Variants in RIC3 observed in about 807,000 individuals in gnomAD.
RIC3 encodes the protein RIC3 acetylcholine receptor chaperone, also known as protein RIC-3.
A neutral mutation model predicts 27.3 loss-of-function variants in RIC3; 28 were observed. The observed-to-expected ratio is 1.02, with a 90% confidence interval of 0.76 to 1.41. The LOEUF is 1.41. Among genes scored for constraint, RIC3 ranks in the 40% most tolerant of loss-of-function variants. The probability of loss-of-function intolerance (pLI) is 0.00; values close to 1 mark genes in which losing one functional copy is unlikely to be tolerated. For missense variants in RIC3, 501 were observed against 444.7 expected (o/e 1.13, Z -1.14); for synonymous variants, 184 against 160.4 (o/e 1.15, Z -1.11).
chr11:8,125,230 G>T (rs1946871220), intron 5 of RIC3, among the ~76,000 whole-genome samples: 1 of 151,004 alleles, frequency 6.6e-6, no homozygotes, highest in African/African-American at 2.4e-5. Context: ...CTCCGGCCTG[G>T]GTGACAGAGC....
At chr11:8,116,435 G>A (rs1282563441) in intron 5 of RIC3, among the ~76,000 whole-genome samples, 2 of 150,806 alleles carry the variant, frequency 1.3e-5, no homozygotes, top group Non-Finnish European at 1.5e-5. Flanking sequence ...AGACAAATGG[G>A]ATTACTGAAA....
At chr11:8,097,409 G>A in the RIC3 span, 12 of 1,614,100 alleles carry the variant, frequency 7.4e-6, no homozygotes, top group East Asian at 2.2e-5. Context: ...CACCTGGACC[G>A]TGAGGATGGG....
chr11:8,153,735 T>C (rs11041770), intron 1 of RIC3, among the ~76,000 whole-genome samples: 6,512 of 152,290 alleles, frequency 0.043, 173 homozygotes, highest in South Asian at 0.087. Context: ...TCTTGTCTCT[T>C]ATTTCTTAAT....
intron 4 of RIC3, chr11:8,128,376 A>G: frequency 2.4e-6 from 1 of 411,834 alleles, no homozygotes; most frequent in Non-Finnish European, 4.8e-6. Context: ...TGGGTAGACT[A>G]CAGGAAGCAG....
intron 5 of RIC3, among the ~76,000 whole-genome samples, chr11:8,122,463 A>G (rs1946563247): frequency 1.3e-5 from 2 of 152,172 alleles, no homozygotes; most frequent in Non-Finnish European, 2.9e-5. Flanking sequence ...GTGTATATAT[A>G]TATGTACCAC....
intron 1 of RIC3, among the ~76,000 whole-genome samples, chr11:8,143,735 A>G (rs1208049905): frequency 2.0e-5 from 3 of 152,196 alleles, no homozygotes; most frequent in Non-Finnish European, 4.4e-5. Context: ...ATCCTAAGCC[A>G]AAAGAACAAA....
At chr11:8,096,742 C>G in the RIC3 span, 1 of 1,614,068 alleles carries the variant, frequency 6.2e-7, no homozygotes, top group Non-Finnish European at 8.5e-7. Context: ...GAGAATAGCT[C>G]CAGCTCCTCC....
At chr11:8,101,029 C>A in the RIC3 span, 1 of 1,612,510 alleles carries the variant, frequency 6.2e-7, no homozygotes, top group Non-Finnish European at 8.5e-7. Flanking sequence ...CATTATGGTC[C>A]GTAGGATACC....
At chr11:8,099,805 GA>G in the RIC3 span, among the ~76,000 whole-genome samples, 1 of 142,062 alleles carries the variant, frequency 7.0e-6, no homozygotes, top group Non-Finnish European at 1.6e-5. Flanking sequence ...AGAAGGAAGT[GA>G]AAAACAGCAG....
At chr11:8,117,770 G>A (rs1170340496) in intron 5 of RIC3, among the ~76,000 whole-genome samples, 1 of 151,960 alleles carries the variant, frequency 6.6e-6, no homozygotes, top group Non-Finnish European at 1.5e-5. Flanking sequence ...ATTTCACAGT[G>A]TATACATATA....
intron 1 of RIC3, among the ~76,000 whole-genome samples, chr11:8,142,803 G>A (rs1397238494): frequency 1.0e-5 from 1 of 99,656 alleles, no homozygotes; most frequent in Non-Finnish European, 1.8e-5. Flanking sequence ...AACGAATCCA[G>A]CAGCACATCA....
the RIC3 span, chr11:8,098,985 G>T: frequency 2.4e-6 from 2 of 818,906 alleles, no homozygotes; most frequent in South Asian, 1.6e-5. Flanking sequence ...ACAAGGCTGT[G>T]TGGAGAGGGG....
At chr11:8,100,483 T>C in the RIC3 span, 3 of 1,605,538 alleles carry the variant, frequency 1.9e-6, no homozygotes, top group Non-Finnish European at 2.6e-6. Flanking sequence ...AGGTGGCCAG[T>C]GTTGCGTTCT....
At chr11:8,117,655 T>C (rs964381528) in intron 5 of RIC3, among the ~76,000 whole-genome samples, 1 of 152,176 alleles carries the variant, frequency 6.6e-6, no homozygotes, top group Non-Finnish European at 1.5e-5. Flanking sequence ...AATAACAGTA[T>C]GTTGTATATT....
intron 1 of RIC3, among the ~76,000 whole-genome samples, chr11:8,155,088 G>C (rs1950556087): frequency 6.6e-6 from 1 of 151,866 alleles, no homozygotes; most frequent in Admixed American, 6.6e-5. Context: ...GGGTGTGGTG[G>C]CATGCACCTG....
At chr11:8,118,151 A>C (rs1322954676) in intron 5 of RIC3, among the ~76,000 whole-genome samples, 1 of 151,108 alleles carries the variant, frequency 6.6e-6, no homozygotes, top group Admixed American at 6.6e-5. Flanking sequence ...TGAACCTGGG[A>C]AGTGGAGCTT....
rs1944779224 is a variant in RIC3 at position 8,107,377 on chromosome 11, A to AAAT, written c.*3318_*3320dup. 6.6e-6 allele frequency: 1 copy of AAAT among 152,192 alleles called. No individual in the cohort carries two copies. The highest frequency in any genetic ancestry group is 1.5e-5 in the Non-Finnish European group (1 of 68,048). The allele number at this position is 152,192 out of a possible 1,614,324, so 9.4% of individuals were successfully genotyped here. On this transcript the variant is annotated 3_prime_UTR_variant, in exon 6 of 6. Transcript: ENST00000309737. Reference sequence around the variant, plus strand: ...TCCTGTGGCCTCTGCCTCTGGTGGGAAATAGCGCATACAGGATATTCTAAA... The same window carrying AAAT: ...TCCTGTGGCCTCTGCCTCTGGTGGGAAATAATAGCGCATACAGGATATTCTAAA...
Position 8,122,271 on chromosome 11 carries a change from T to C in RIC3, c.670+4388A>G, listed in dbSNP as rs369649268. On this transcript the variant is annotated intron_variant, in intron 5 of 5. Coordinates refer to ENST00000309737, the MANE Select transcript of RIC3 (RefSeq NM_001206671.4). ...CTACTCCTATTCCCCTCTTAACTCC[T>C]AGCAACAACTAATCAGTCCTCTATT... 2.1e-4 allele frequency among the ~76,000 whole-genome samples: 32 copies of C among 152,286 alleles called. No homozygotes were observed. The South Asian group carries it at 6.0e-3, about 29-fold the overall frequency.
intron 3 of RIC3, among the ~76,000 whole-genome samples, chr11:8,138,002 A>G (rs1398161699): frequency 2.6e-5 from 4 of 152,216 alleles, no homozygotes; most frequent in African/African-American, 9.6e-5. Flanking sequence ...TCTGCTACCA[A>G]TATTTTGAAG....
Sources: gnomAD v4.1 joint callset for allele counts (sites outside exome capture counted in the v4.1 genomes callset) on GRCh38, gnomAD v4.1.1 for gene constraint, MANE v1.5 for transcripts, NCBI Gene and HGNC (gene_info 2026-07-23, HGNC 2026-07-21) for gene names.